PCLO: variants seen among roughly 807,000 people sequenced by gnomAD.
PCLO encodes piccolo presynaptic cytomatrix protein.
In PCLO, 82 loss-of-function variants were observed where a neutral mutation model predicts 427.5. The observed-to-expected ratio is 0.19, with a 90% CI of 0.16 to 0.23. The LOEUF is 0.23. Ranked by LOEUF, PCLO falls within the 10% of genes least tolerant of loss-of-function variation. The pLI, the probability that PCLO is intolerant of heterozygous loss-of-function variation, is 1.00. For synonymous variants in PCLO, 2,357 were observed against 2,155.4 expected (o/e 1.09, Z -2.59); for missense variants, 6,239 against 6,115.9 (o/e 1.02, Z -0.67).
At chr7:82,823,609 T>A (rs1434868512) in intron 19 of PCLO, among the ~76,000 whole-genome samples, 1 of 152,142 alleles carries the variant, frequency 6.6e-6, no homozygotes, top group Non-Finnish European at 1.5e-5. Context: ...GAGAGTGCTG[T>A]ACATATTTGC....
chr7:83,097,193 A>C (rs1247826658), intron 3 of PCLO, among the ~76,000 whole-genome samples: 1 of 123,380 alleles, frequency 8.1e-6, no homozygotes, highest in African/African-American at 3.0e-5. Flanking sequence ...TATATATTAT[A>C]TTATTATATA....
At chr7:83,121,633 C>T (rs1435052053) in intron 3 of PCLO, among the ~76,000 whole-genome samples, 2 of 151,736 alleles carry the variant, frequency 1.3e-5, no homozygotes, top group Non-Finnish European at 2.9e-5. Flanking sequence ...AAGAAACTCA[C>T]TTCACCTATA....
At chr7:83,092,426 A>G (rs11562069) in intron 3 of PCLO, among the ~76,000 whole-genome samples, 66,767 of 151,862 alleles carry the variant, frequency 0.44, 15,078 homozygotes, top group East Asian at 0.7. Flanking sequence ...AAGGACAAAC[A>G]GAAGCCCAGA....
At chr7:82,762,584 A>G (rs536631132) in intron 22 of PCLO, among the ~76,000 whole-genome samples, 1 of 152,168 alleles carries the variant, frequency 6.6e-6, no homozygotes, top group Non-Finnish European at 1.5e-5. Flanking sequence ...TTAGAAATAT[A>G]AAATTTCTAA....
intron 3 of PCLO, among the ~76,000 whole-genome samples, chr7:83,104,934 G>T (rs1362822411): frequency 6.8e-6 from 1 of 146,480 alleles, no homozygotes. Context: ...AATAAAGAAT[G>T]AGCAAATAAA....
At chr7:83,030,215 GA>G (rs1399880006) in intron 3 of PCLO, among the ~76,000 whole-genome samples, 18 of 126,702 alleles carry the variant, frequency 1.4e-4, no homozygotes, top group Non-Finnish European at 2.8e-4. Flanking sequence ...AATAAAATTT[GA>G]TAAGTCCAAC....
intron 3 of PCLO, among the ~76,000 whole-genome samples, chr7:83,028,819 C>G (rs903034890): frequency 2.0e-5 from 3 of 150,994 alleles, no homozygotes; most frequent in African/African-American, 7.3e-5. Flanking sequence ...CTACAACTAT[C>G]TGATCTTTGA....
chr7:82,921,619 T>C (rs1276767494), intron 6 of PCLO, among the ~76,000 whole-genome samples: 3 of 151,958 alleles, frequency 2.0e-5, no homozygotes, highest in Non-Finnish European at 2.9e-5. Flanking sequence ...AACTTAAATA[T>C]AAAACCTAAA....
chr7:83,158,888 A>T (rs1176598791), intron 1 of PCLO, among the ~76,000 whole-genome samples: 1 of 152,038 alleles, frequency 6.6e-6, no homozygotes, highest in African/African-American at 2.4e-5. Flanking sequence ...AAGAAAATCA[A>T]GAGAAAAAAC....
rs760775659 is a variant in PCLO at position 82,758,527 on chromosome 7, T to C, written c.*48A>G. 3.3e-5 allele frequency: 50 copies of C among 1,534,310 alleles called. No homozygotes were observed. In the Admixed American group the frequency reaches 8.0e-4, roughly 25 times the overall value. On this transcript the variant is annotated 3_prime_UTR_variant, in exon 25 of 25. Coordinates refer to ENST00000333891, the MANE Select transcript of PCLO (RefSeq NM_033026.6). Reference sequence around the variant, plus strand: ...CAATAGTATTCAACTATAGTCTTGATGTGAGGCTATTTAGAGCAGTTTCTA... The same window carrying C: ...CAATAGTATTCAACTATAGTCTTGACGTGAGGCTATTTAGAGCAGTTTCTA...
chr7:82,943,143 A>G (rs1275024840), intron 6 of PCLO, among the ~76,000 whole-genome samples: 1 of 152,182 alleles, frequency 6.6e-6, no homozygotes, highest in Non-Finnish European at 1.5e-5. Flanking sequence ...AAAAATAGCT[A>G]TCAAAACAGC....
intron 3 of PCLO, among the ~76,000 whole-genome samples, chr7:83,131,486 A>C (rs188175462): frequency 6.6e-6 from 1 of 152,296 alleles, no homozygotes; most frequent in African/African-American, 2.4e-5. Context: ...GAGAAACAGA[A>C]TAGCCAAAGG....
At chr7:82,959,530 C>T (rs1388488366) in intron 4 of PCLO, among the ~76,000 whole-genome samples, 2 of 152,108 alleles carry the variant, frequency 1.3e-5, no homozygotes, top group African/African-American at 2.4e-5. Context: ...TGATATTATA[C>T]AAAACAGATT....
At chr7:83,068,320 T>A (rs1293013364) in intron 3 of PCLO, among the ~76,000 whole-genome samples, 1 of 152,150 alleles carries the variant, frequency 6.6e-6, no homozygotes, top group Non-Finnish European at 1.5e-5. Flanking sequence ...AAATGTTTAT[T>A]CTTTAATAAT....
At chr7:83,074,416 C>A (rs942042837) in intron 3 of PCLO, among the ~76,000 whole-genome samples, 2 of 151,966 alleles carry the variant, frequency 1.3e-5, no homozygotes, top group African/African-American at 4.8e-5. Flanking sequence ...ATATAAATTA[C>A]CTTTGATAAA....
chr7:83,035,703 AT>A (rs1435426568), intron 3 of PCLO, among the ~76,000 whole-genome samples: 13 of 152,096 alleles, frequency 8.5e-5, no homozygotes, highest in African/African-American at 3.1e-4. Context: ...TGTATGAGTC[AT>A]TTTTTAACCT....
intron 3 of PCLO, among the ~76,000 whole-genome samples, chr7:82,979,711 T>A (rs1301202078): frequency 6.6e-6 from 1 of 152,150 alleles, no homozygotes; most frequent in African/African-American, 2.4e-5. Flanking sequence ...GATTTAACTT[T>A]CACATGTGTT....
At chr7:82,853,874 T>G (rs1792731879) in intron 10 of PCLO, among the ~76,000 whole-genome samples, 1 of 152,196 alleles carries the variant, frequency 6.6e-6, no homozygotes, top group Non-Finnish European at 1.5e-5. Context: ...ATTTCCATCC[T>G]ATGATAGAGA....
At chr7:82,831,030 A>G (rs889409678) in intron 16 of PCLO, among the ~76,000 whole-genome samples, 17 of 152,124 alleles carry the variant, frequency 1.1e-4, no homozygotes, top group African/African-American at 4.1e-4. Flanking sequence ...ATGCATGAAA[A>G]GCATTTTTAA....
Sources: allele counts gnomAD v4.1 joint callset (sites outside exome capture counted in the v4.1 genomes callset), GRCh38; gene constraint gnomAD v4.1.1; transcripts MANE v1.5; gene names NCBI Gene and HGNC (gene_info 2026-07-23, HGNC 2026-07-21).